Variants in NINJ2 observed in about 807,000 individuals in gnomAD.
NINJ2 encodes ninjurin-2.
A neutral mutation model predicts 11.7 loss-of-function variants in NINJ2; 12 were observed. That is an observed-to-expected ratio of 1.02 (90% CI 0.66 to 1.66). NINJ2 has a LOEUF of 1.66. Among genes scored for constraint, NINJ2 ranks in the 40% most tolerant of loss-of-function variants. The pLI, the probability that NINJ2 is intolerant of heterozygous loss-of-function variation, is 0.00. For synonymous variants in NINJ2, 93 were observed against 76.8 expected (o/e 1.21, Z -1.10); for missense variants, 187 against 181.8 (o/e 1.03, Z -0.16).
chr12:636,602 A>T (rs1458407475), intron 1 of NINJ2, among the ~76,000 whole-genome samples: 1 of 152,148 alleles, frequency 6.6e-6, no homozygotes, highest in African/African-American at 2.4e-5. Flanking sequence ...GAAGACACAC[A>T]AATGGCCAAC....
chr12:609,655 C>CA (rs1948000097), intron 1 of NINJ2, among the ~76,000 whole-genome samples: 1 of 151,704 alleles, frequency 6.6e-6, no homozygotes, highest in Non-Finnish European at 1.5e-5. Flanking sequence ...CCTGTAGTCC[C>CA]AGCTACTCAG....
At chr12:597,562 A>G (rs1188920064) in intron 1 of NINJ2, among the ~76,000 whole-genome samples, 2 of 152,270 alleles carry the variant, frequency 1.3e-5, no homozygotes, top group East Asian at 3.8e-4. Flanking sequence ...AGGGCAGCAC[A>G]TATTATTCAT....
intron 1 of NINJ2, among the ~76,000 whole-genome samples, chr12:606,986 C>T (rs1947949402): frequency 6.6e-6 from 1 of 152,212 alleles, no homozygotes; most frequent in Non-Finnish European, 1.5e-5. Flanking sequence ...GGCCCCAACT[C>T]TTCCGGAGGC....
At chr12:609,260 G>GCA (rs1254199678) in intron 1 of NINJ2, among the ~76,000 whole-genome samples, 5 of 103,522 alleles carry the variant, frequency 4.8e-5, no homozygotes, top group African/African-American at 1.4e-4. Context: ...GGGGCTGTAC[G>GCA]CACGCACGGC....
At position 580,012 on chromosome 12, in the gene NINJ2, G is replaced by C. The variant is rs911321208; in HGVS notation, c.34-13834C>G. 6.6e-6 allele frequency among the ~76,000 whole-genome samples: 1 copy of C among 152,208 alleles called. No individual in the cohort carries two copies. The highest frequency in any genetic ancestry group is 1.9e-4 in the East Asian group (1 of 5,204). On this transcript the variant is annotated intron_variant, in intron 1 of 3. Transcript: ENST00000305108. This position sits in a 1 kb window ranked among gnomAD's most constrained non-coding sequence, Gnocchi z 4.7. ...ACAGGAGCTGCTGGGGCCTCTGGCT[G>C]CTGGTTCAAAAGACGGTTTGGATCC...
At chr12:599,737 C>G (rs1947841532) in intron 1 of NINJ2, among the ~76,000 whole-genome samples, 1 of 152,212 alleles carries the variant, frequency 6.6e-6, no homozygotes, top group Non-Finnish European at 1.5e-5. Context: ...TGCGGAGGCC[C>G]TCCCAGCCCC....
At chr12:643,971 T>C (rs1291478373) in intron 1 of NINJ2, 1 of 154,768 alleles carries the variant, frequency 6.5e-6, no homozygotes, top group Non-Finnish European at 1.5e-5. Flanking sequence ...GGAGTGAAGG[T>C]ACCTGAGCGC....
At chr12:619,079 G>A (rs2120369144) in intron 1 of NINJ2, among the ~76,000 whole-genome samples, 1 of 152,306 alleles carries the variant, frequency 6.6e-6, no homozygotes, top group Middle Eastern at 3.4e-3. Flanking sequence ...GTTGGGGAGT[G>A]AGGTGCCCGC....
chr12:607,919 G>A (rs1947961122), intron 1 of NINJ2, among the ~76,000 whole-genome samples: 1 of 152,190 alleles, frequency 6.6e-6, no homozygotes, highest in African/African-American at 2.4e-5. Context: ...CCTGGCTCCA[G>A]TCCTTTGGCC....
At chr12:659,596 G>A (rs1000401864) in intron 1 of NINJ2, among the ~76,000 whole-genome samples, 2 of 152,202 alleles carry the variant, frequency 1.3e-5, no homozygotes, top group African/African-American at 2.4e-5. Context: ...AGAAGGAGCA[G>A]CTCCAGGCAT....
At chr12:651,137 T>G (rs1937779763) in intron 1 of NINJ2, among the ~76,000 whole-genome samples, 1 of 152,224 alleles carries the variant, frequency 6.6e-6, no homozygotes, top group Non-Finnish European at 1.5e-5. Context: ...GTTTTACCTC[T>G]AGGAGCTGCC....
chr12:618,986 C>T (rs2120368653), intron 1 of NINJ2, among the ~76,000 whole-genome samples: 1 of 152,310 alleles, frequency 6.6e-6, no homozygotes, highest in South Asian at 2.1e-4. Flanking sequence ...AACAGATTAT[C>T]AGAAAGGTCA....
At chr12:647,179 T>C (rs1937699506) in intron 1 of NINJ2, among the ~76,000 whole-genome samples, 1 of 152,182 alleles carries the variant, frequency 6.6e-6, no homozygotes, top group Admixed American at 6.5e-5. Flanking sequence ...TGTGCCCAGG[T>C]GCCCCGTGGG....
chr12:617,629 C>G (rs1168647736), intron 1 of NINJ2, among the ~76,000 whole-genome samples: 3 of 152,230 alleles, frequency 2.0e-5, no homozygotes, highest in Non-Finnish European at 4.4e-5. Context: ...CCAGGGCTTT[C>G]CTACACAGAA....
At chr12:654,911 AAAAT>A (rs984918566) in intron 1 of NINJ2, among the ~76,000 whole-genome samples, 2 of 151,968 alleles carry the variant, frequency 1.3e-5, no homozygotes, top group African/African-American at 2.4e-5. Flanking sequence ...AAAAGAGAAT[AAAAT>A]AAAAACAAAA....
chr12:611,227 T>TTTTCTTTTTC (rs1565634826), intron 1 of NINJ2, among the ~76,000 whole-genome samples: 47 of 143,942 alleles, frequency 3.3e-4, no homozygotes, highest in South Asian at 1.1e-3. Context: ...CTTTCTTTCT[T>TTTTCTTTTTC]TTTCTTTCTT....
At chr12:572,629 C>T (rs991706019) in intron 1 of NINJ2, among the ~76,000 whole-genome samples, 2 of 152,182 alleles carry the variant, frequency 1.3e-5, no homozygotes, top group African/African-American at 2.4e-5. Context: ...CACACTGGAA[C>T]GATGGTGGTT....
intron 1 of NINJ2, chr12:586,605 A>T (rs1441931453): frequency 6.6e-6 from 1 of 152,344 alleles, no homozygotes; most frequent in East Asian, 1.9e-4. Flanking sequence ...ATAAGCTCCC[A>T]TCCGCCCACA....
rs1033065621 is a variant in NINJ2 at position 640,678 on chromosome 12, A to G, written c.33+22650T>C. On this transcript the variant is annotated intron_variant, in intron 1 of 3. Transcript: ENST00000305108. This position sits in a 1 kb window ranked among gnomAD's most constrained non-coding sequence, Gnocchi z 4.0. ...TAGGGCTAATATCTGTATTTTTAGT[A>G]GAGACCCTGTCTCTTCACTATGTCG... is the stretch of plus-strand genomic sequence containing the variant. Among the ~76,000 whole-genome samples the G allele has an allele frequency of 6.6e-6, 1 of 152,078 alleles. No individual in the cohort carries two copies. The highest frequency in any genetic ancestry group is 1.5e-5 in the Non-Finnish European group (1 of 68,020).
Sources: allele counts gnomAD v4.1 joint callset (sites outside exome capture counted in the v4.1 genomes callset), GRCh38; gene constraint gnomAD v4.1.1; non-coding constraint Gnocchi (gnomAD v3.1); transcripts MANE v1.5; gene names NCBI Gene and HGNC (gene_info 2026-07-23, HGNC 2026-07-21).